Variants in NCAM2 observed in about 807,000 individuals in gnomAD.
NCAM2 encodes the protein neural cell adhesion molecule 2.
Under a neutral mutation model 98.1 loss-of-function variants are expected in NCAM2, and 30 were observed. That is an observed-to-expected ratio of 0.31 (90% CI 0.23 to 0.41). The LOEUF (loss-of-function observed/expected upper bound fraction) is 0.41, where lower values mean the gene tolerates loss of function less well. NCAM2 is among the 10% of genes least tolerant of loss of function. NCAM2 has a pLI of 1.00. For synonymous variants in NCAM2, 368 were observed against 342.4 expected, an observed-to-expected ratio of 1.07 and a Z score of -0.83; for missense variants, 867 against 1,005.8, an observed-to-expected ratio of 0.86 and a Z score of 1.87.
intron 9 of NCAM2, among the ~76,000 whole-genome samples, chr21:21,375,758 C>T (rs990633782): frequency 6.6e-6 from 1 of 150,772 alleles, no homozygotes; most frequent in African/African-American, 2.4e-5. Context: ...AAAAAAAAAA[C>T]TTAAGCATGC....
chr21:21,245,172 A>G (rs185323655), intron 1 of NCAM2, among the ~76,000 whole-genome samples: 234 of 152,160 alleles, frequency 1.5e-3, no homozygotes, highest in African/African-American at 5.3e-3. Context: ...AGCTTTTGCT[A>G]TTGTGTTTGC....
At chr21:21,449,864 G>C (rs1980760302) in intron 12 of NCAM2, among the ~76,000 whole-genome samples, 1 of 151,788 alleles carries the variant, frequency 6.6e-6, no homozygotes, top group Non-Finnish European at 1.5e-5. Flanking sequence ...GTACTATCTT[G>C]GTTCTCATTG....
At chr21:21,195,869 T>A (rs1427143824) in intron 1 of NCAM2, among the ~76,000 whole-genome samples, 1 of 152,192 alleles carries the variant, frequency 6.6e-6, no homozygotes, top group Non-Finnish European at 1.5e-5. Flanking sequence ...AGGAATTAAG[T>A]CACTGAATGA....
intron 1 of NCAM2, among the ~76,000 whole-genome samples, chr21:21,037,592 TCAATAAGAGA>T (rs1482246408): frequency 6.6e-6 from 1 of 152,168 alleles, no homozygotes; most frequent in South Asian, 2.1e-4. Context: ...TAGTATGTGT[TCAATAAGAGA>T]CAACAGATAA....
chr21:21,029,445 A>T (rs1420307081), intron 1 of NCAM2, among the ~76,000 whole-genome samples: 1 of 152,074 alleles, frequency 6.6e-6, no homozygotes, highest in Non-Finnish European at 1.5e-5. Flanking sequence ...TGCCAAACCT[A>T]TGTCTGCGGT....
intron 16 of NCAM2, among the ~76,000 whole-genome samples, chr21:21,521,002 A>T (rs985063123): frequency 6.6e-6 from 1 of 152,166 alleles, no homozygotes; most frequent in South Asian, 2.1e-4. Context: ...AGGGGGAAGT[A>T]ACTACATTAA....
intron 15 of NCAM2, among the ~76,000 whole-genome samples, chr21:21,502,376 A>G (rs1394923346): frequency 2.6e-5 from 4 of 152,056 alleles, no homozygotes; most frequent in African/African-American, 9.6e-5. Flanking sequence ...GTTTTAAAAT[A>G]TTCTTAACTT....
At chr21:21,197,566 A>C (rs556329006) in intron 1 of NCAM2, among the ~76,000 whole-genome samples, 1 of 152,328 alleles carries the variant, frequency 6.6e-6, no homozygotes, top group Admixed American at 6.5e-5. Context: ...GCATAAAGCC[A>C]TATGTTAAGA....
chr21:21,161,850 C>G (rs554445186), intron 1 of NCAM2, among the ~76,000 whole-genome samples: 1 of 151,936 alleles, frequency 6.6e-6, no homozygotes, highest in Admixed American at 6.6e-5. Flanking sequence ...GCTAAATGAG[C>G]AGAGATGTTG....
At chr21:21,330,803 A>G (rs1206208975) in intron 6 of NCAM2, among the ~76,000 whole-genome samples, 1 of 152,126 alleles carries the variant, frequency 6.6e-6, no homozygotes. Flanking sequence ...GATGGAAAAA[A>G]ATGATACCAT....
intron 1 of NCAM2, among the ~76,000 whole-genome samples, chr21:21,083,639 T>C (rs1017034360): frequency 1.3e-5 from 2 of 152,136 alleles, no homozygotes; most frequent in African/African-American, 2.4e-5. Flanking sequence ...GGTCTTGAAC[T>C]TCTGGCTTCA....
At chr21:21,165,517 C>T (rs370764865) in intron 1 of NCAM2, among the ~76,000 whole-genome samples, 1 of 152,112 alleles carries the variant, frequency 6.6e-6, no homozygotes, top group Admixed American at 6.5e-5. Flanking sequence ...GCATACATAA[C>T]CACGCATACT....
intron 1 of NCAM2, among the ~76,000 whole-genome samples, chr21:21,179,776 G>A (rs1447639757): frequency 2.6e-5 from 4 of 152,178 alleles, no homozygotes; most frequent in Non-Finnish European, 4.4e-5. Context: ...GATTGACTCC[G>A]GTGTAAACTG....
At chr21:21,381,385 T>TC (rs1262051547) in intron 9 of NCAM2, among the ~76,000 whole-genome samples, 1 of 127,992 alleles carries the variant, frequency 7.8e-6, no homozygotes, top group Non-Finnish European at 1.7e-5. Flanking sequence ...ATTTATATTC[T>TC]GTTTTTTTTC....
intron 12 of NCAM2, among the ~76,000 whole-genome samples, chr21:21,444,284 G>A (rs980033591): frequency 7.9e-5 from 12 of 152,144 alleles, no homozygotes; most frequent in South Asian, 4.1e-4. Flanking sequence ...GGATATTGGC[G>A]TGAAGCTTTC....
intron 1 of NCAM2, among the ~76,000 whole-genome samples, chr21:21,119,259 A>C (rs2066623868): frequency 6.6e-6 from 1 of 152,176 alleles, no homozygotes; most frequent in Non-Finnish European, 1.5e-5. Context: ...TTAATGTCAC[A>C]TCTCAATTCT....
intron 1 of NCAM2, among the ~76,000 whole-genome samples, chr21:21,021,427 C>T (rs750430402): frequency 1.3e-5 from 2 of 152,034 alleles, no homozygotes; most frequent in Non-Finnish European, 1.5e-5. Context: ...AGTTCACTTC[C>T]GTGTAAAGCC....
intron 1 of NCAM2, among the ~76,000 whole-genome samples, chr21:21,171,661 G>A (rs529367163): frequency 1.3e-5 from 2 of 152,060 alleles, no homozygotes; most frequent in Non-Finnish European, 2.9e-5. Flanking sequence ...ACCATTTTTC[G>A]AGGTCAGTAG....
chr21:21,461,425 T>C (rs1602411238), intron 12 of NCAM2, among the ~76,000 whole-genome samples: 1 of 151,888 alleles, frequency 6.6e-6, no homozygotes, highest in Non-Finnish European at 1.5e-5. Flanking sequence ...GTATAACTTA[T>C]ACTCATGATG....
Sources: gnomAD v4.1 joint callset for allele counts (sites outside exome capture counted in the v4.1 genomes callset) on GRCh38, gnomAD v4.1.1 for gene constraint, MANE v1.5 for transcripts, NCBI Gene and HGNC (gene_info 2026-07-23, HGNC 2026-07-21) for gene names.